Variants in ULK4 observed in about 807,000 individuals in gnomAD.
The protein encoded by ULK4 is inactive serine/threonine-protein kinase ULK4.
A neutral mutation model predicts 160.6 loss-of-function variants in ULK4; 133 were observed. The ratio of observed to expected loss-of-function variants is 0.83; its 90% CI spans 0.72 to 0.96. The LOEUF (loss-of-function observed/expected upper bound fraction) is 0.96. ULK4 is among the 40% of genes least tolerant of loss of function. The pLI, the probability that ULK4 is intolerant of heterozygous loss-of-function variation, is 0.00. For missense variants in ULK4, 1,580 were observed against 1,499.5 expected (o/e 1.05, Z -0.89); for synonymous variants, 534 against 539.8 (o/e 0.99, Z 0.15).
chr3:41,758,359 T>C (rs1295711484), intron 21 of ULK4, among the ~76,000 whole-genome samples: 2 of 152,170 alleles, frequency 1.3e-5, no homozygotes, highest in Admixed American at 6.5e-5. Context: ...TAAACTGTAC[T>C]GTAACAGCTC....
At chr3:41,944,372 G>A (rs1700051852) in intron 2 of ULK4, among the ~76,000 whole-genome samples, 1 of 152,164 alleles carries the variant, frequency 6.6e-6, no homozygotes, top group African/African-American at 2.4e-5. Context: ...TCCAAGAGGT[G>A]GAGGTTGCAG....
intron 27 of ULK4, among the ~76,000 whole-genome samples, chr3:41,692,305 G>A (rs889175347): frequency 5.3e-5 from 8 of 152,022 alleles, no homozygotes; most frequent in Admixed American, 1.3e-4. Context: ...ATCTGACACA[G>A]TATATGACAG....
chr3:41,816,792 T>C (rs1468338260), intron 19 of ULK4, among the ~76,000 whole-genome samples: 1 of 152,002 alleles, frequency 6.6e-6, no homozygotes, highest in African/African-American at 2.4e-5. Flanking sequence ...TCTCAAAAAA[T>C]AAAAAATAAA....
chr3:41,954,015 T>C (rs957325718), intron 2 of ULK4, among the ~76,000 whole-genome samples: 3 of 151,332 alleles, frequency 2.0e-5, no homozygotes, highest in Non-Finnish European at 1.5e-5. Flanking sequence ...AACCCCGTCT[T>C]TACTAAAAAT....
At chr3:41,854,077 C>A (rs1029396376) in intron 17 of ULK4, 5 of 152,204 alleles carry the variant, frequency 3.3e-5, no homozygotes, top group Non-Finnish European at 5.9e-5. Context: ...GTCAAGATAG[C>A]CAACCTGCAG....
intron 31 of ULK4, among the ~76,000 whole-genome samples, chr3:41,611,381 T>A (rs1401422131): frequency 6.6e-6 from 1 of 152,104 alleles, no homozygotes; most frequent in African/African-American, 2.4e-5. Flanking sequence ...TCTCCACTGT[T>A]TGGCCTGCCA....
At position 41,900,825 on chromosome 3, in the gene ULK4, G is replaced by A. The variant is rs752017416; in HGVS notation, c.1187C>T (p.Thr396Ile). 6 of 1,612,374 alleles carry A rather than the reference G, an allele frequency of 3.7e-6. No homozygotes were observed. The highest frequency in any genetic ancestry group is 8.5e-7 in the Non-Finnish European group (1 of 1,178,836). ...GTCCTGCTGACTCAGGTGTCCACTT[G>A]TAATCTGAAATGAGAACAAAAATTA... is the stretch of plus-strand genomic sequence containing the variant. ...PQKTSPLTKITSGHLSQQDLE... is the reference protein window; with the variant it reads ...PQKTSPLTKIISGHLSQQDLE... Residue 396 changes from threonine (T) to isoleucine (I), a missense_variant, in exon 13 of 37, where the codon ACA becomes ATA. Coordinates refer to ENST00000301831, the MANE Select transcript of ULK4 (RefSeq NM_017886.4).
At chr3:41,379,318 A>C (rs2125792935) in intron 35 of ULK4, among the ~76,000 whole-genome samples, 1 of 152,308 alleles carries the variant, frequency 6.6e-6, no homozygotes, top group African/African-American at 2.4e-5. Context: ...TATATGCATA[A>C]ATTGGAAATG....
At chr3:41,724,269 A>T (rs1290818367) in intron 22 of ULK4, among the ~76,000 whole-genome samples, 1 of 152,210 alleles carries the variant, frequency 6.6e-6, no homozygotes, top group African/African-American at 2.4e-5. Context: ...AGCATAACTT[A>T]TGCTGGATGC....
chr3:41,264,202 A>T (rs1284047983), intron 35 of ULK4, among the ~76,000 whole-genome samples: 1 of 152,244 alleles, frequency 6.6e-6, no homozygotes, highest in Non-Finnish European at 1.5e-5. Flanking sequence ...GAGATTTTTT[A>T]AAGGTTGCAG....
At chr3:41,263,277 T>C (rs2078977873) in intron 35 of ULK4, among the ~76,000 whole-genome samples, 1 of 152,172 alleles carries the variant, frequency 6.6e-6, no homozygotes, top group African/African-American at 2.4e-5. Flanking sequence ...CATAGTGAGC[T>C]GTGTATTTGA....
chr3:41,591,650 T>C (rs1487186540), intron 31 of ULK4, among the ~76,000 whole-genome samples: 1 of 152,222 alleles, frequency 6.6e-6, no homozygotes, highest in Non-Finnish European at 1.5e-5. Flanking sequence ...TATGAGTAAA[T>C]ATTTTAACTT....
chr3:41,429,450 G>A (rs2082852413), intron 34 of ULK4, among the ~76,000 whole-genome samples: 1 of 152,174 alleles, frequency 6.6e-6, no homozygotes, highest in Non-Finnish European at 1.5e-5. Flanking sequence ...ACATGCACAT[G>A]TGTATTCACT....
intron 17 of ULK4, among the ~76,000 whole-genome samples, chr3:41,880,570 G>T (rs2097159015): frequency 1.3e-5 from 2 of 152,134 alleles, no homozygotes; most frequent in African/African-American, 2.4e-5. Flanking sequence ...ACATTACTTT[G>T]CTGGCTCGGC....
intron 22 of ULK4, among the ~76,000 whole-genome samples, chr3:41,729,165 G>T (rs1003764122): frequency 1.3e-5 from 2 of 152,186 alleles, no homozygotes; most frequent in Non-Finnish European, 2.9e-5. Flanking sequence ...TATTGAGAAG[G>T]AATCCAAATA....
chr3:41,733,757 C>T (rs561833154), intron 22 of ULK4, among the ~76,000 whole-genome samples: 18 of 91,406 alleles, frequency 2.0e-4, no homozygotes, highest in Admixed American at 1.5e-3. Context: ...TTTTTTTAGA[C>T]AGAGTCTCAT....
intron 14 of ULK4, 128 bp from the exon 15 acceptor site, chr3:41,897,131 A>G (rs1698187459): frequency 1.4e-6 from 1 of 716,438 alleles, no homozygotes; most frequent in South Asian, 2.3e-5. Context: ...TCAAAACCAA[A>G]AATACTCCAA....
At chr3:41,252,031 A>AC (rs1476259891) in intron 35 of ULK4, among the ~76,000 whole-genome samples, 1 of 152,256 alleles carries the variant, frequency 6.6e-6, no homozygotes, top group Admixed American at 6.5e-5. Flanking sequence ...TCCCAGACTG[A>AC]CCCCTGGGGA....
intron 3 of ULK4, chr3:41,937,232 T>C (rs549335581): frequency 1.7e-6 from 1 of 585,160 alleles, no homozygotes; most frequent in South Asian, 2.1e-5. Context: ...ATATTACATC[T>C]GGTCAGAGAT....
Sources: allele counts gnomAD v4.1 joint callset (sites outside exome capture counted in the v4.1 genomes callset), GRCh38; gene constraint gnomAD v4.1.1; transcripts MANE v1.5; gene names NCBI Gene and HGNC (gene_info 2026-07-23, HGNC 2026-07-21).